Variants in GRM7 observed in about 807,000 individuals in gnomAD.
GRM7 encodes glutamate metabotropic receptor 7.
Under a neutral mutation model 84.5 loss-of-function variants are expected in GRM7, and 35 were observed. The observed-to-expected ratio is 0.41, with a 90% CI of 0.32 to 0.55. The LOEUF is 0.55. GRM7 is among the 20% of genes least tolerant of loss of function. The pLI is 0.19. For missense variants in GRM7, 1,003 were observed against 1,194.6 expected, an observed-to-expected ratio of 0.84 and a Z score of 2.36; for synonymous variants, 487 against 455.1, an observed-to-expected ratio of 1.07 and a Z score of -0.89.
chr3:7,143,669 T>G (rs1258425742), intron 1 of GRM7, among the ~76,000 whole-genome samples: 5 of 152,116 alleles, frequency 3.3e-5, no homozygotes, highest in Non-Finnish European at 5.9e-5. Flanking sequence ...ACTTCACAAT[T>G]CTGATGTTTT....
intron 4 of GRM7, among the ~76,000 whole-genome samples, chr3:7,373,406 A>G (rs923348690): frequency 6.6e-6 from 1 of 152,010 alleles, no homozygotes; most frequent in African/African-American, 2.4e-5. Context: ...AATAAATCAG[A>G]TTATGTGGAT....
intron 1 of GRM7, among the ~76,000 whole-genome samples, chr3:6,976,912 T>C (rs1419751284): frequency 6.6e-6 from 1 of 152,182 alleles, no homozygotes; most frequent in Non-Finnish European, 1.5e-5. Flanking sequence ...AACTCATAGT[T>C]CTACCCCATT....
At chr3:7,144,531 A>C (rs1301459292) in intron 1 of GRM7, among the ~76,000 whole-genome samples, 1 of 152,180 alleles carries the variant, frequency 6.6e-6, no homozygotes, top group Non-Finnish European at 1.5e-5. Context: ...TTGAAAGTCA[A>C]ATGTGGGGAA....
intron 1 of GRM7, among the ~76,000 whole-genome samples, chr3:7,115,429 C>A (rs552072736): frequency 1.3e-5 from 2 of 152,254 alleles, no homozygotes; most frequent in Admixed American, 1.3e-4. Context: ...TCAAATCCCC[C>A]TTTTCCTGTG....
chr3:7,176,450 T>C (rs1695154268), intron 2 of GRM7, among the ~76,000 whole-genome samples: 1 of 151,924 alleles, frequency 6.6e-6, no homozygotes, highest in Non-Finnish European at 1.5e-5. Context: ...TCCCAAGATG[T>C]GGCACTTTAT....
At chr3:7,148,763 G>A (rs903315404) in intron 2 of GRM7, among the ~76,000 whole-genome samples, 2 of 152,060 alleles carry the variant, frequency 1.3e-5, no homozygotes, top group Non-Finnish European at 2.9e-5. Flanking sequence ...ACATTGAAAA[G>A]CCCCAGCTAA....
intron 4 of GRM7, among the ~76,000 whole-genome samples, chr3:7,337,951 G>A (rs1338998966): frequency 1.3e-5 from 2 of 151,782 alleles, no homozygotes; most frequent in African/African-American, 2.4e-5. Context: ...AGTTGCACAT[G>A]CATGTTTATA....
intron 7 of GRM7, among the ~76,000 whole-genome samples, chr3:7,553,740 C>T (rs911260968): frequency 6.6e-6 from 1 of 152,164 alleles, no homozygotes; most frequent in East Asian, 1.9e-4. Context: ...GGGGAAATCA[C>T]CCTCTGATTC....
intron 1 of GRM7, among the ~76,000 whole-genome samples, chr3:7,059,936 T>C (rs1308801746): frequency 6.6e-6 from 1 of 151,856 alleles, no homozygotes; most frequent in Non-Finnish European, 1.5e-5. Flanking sequence ...ACCCAGTTTA[T>C]GTATTTTGTT....
intron 2 of GRM7, among the ~76,000 whole-genome samples, chr3:7,255,671 A>AG (rs1698168525): frequency 6.6e-6 from 1 of 152,200 alleles, no homozygotes; most frequent in African/African-American, 2.4e-5. Flanking sequence ...GGAGGAGAGA[A>AG]GTGAGTTGGG....
intron 8 of GRM7, among the ~76,000 whole-genome samples, chr3:7,641,087 C>G (rs910153900): frequency 1.3e-5 from 2 of 152,092 alleles, no homozygotes; most frequent in African/African-American, 4.8e-5. Flanking sequence ...TAATCATTAA[C>G]CAATTTAGTT....
intron 2 of GRM7, among the ~76,000 whole-genome samples, chr3:7,262,562 G>A (rs1198582613): frequency 2.6e-5 from 4 of 152,082 alleles, no homozygotes; most frequent in Non-Finnish European, 5.9e-5. Context: ...GAATCTCAAT[G>A]ATCTTTGTAC....
At chr3:7,100,185 C>T (rs755905551) in intron 1 of GRM7, among the ~76,000 whole-genome samples, 1 of 151,406 alleles carries the variant, frequency 6.6e-6, no homozygotes, top group Non-Finnish European at 1.5e-5. Flanking sequence ...AACATGTTGA[C>T]TTCATGAACT....
At chr3:7,694,174 A>C (rs1700928173) in intron 9 of GRM7, among the ~76,000 whole-genome samples, 2 of 152,196 alleles carry the variant, frequency 1.3e-5, no homozygotes, top group South Asian at 4.1e-4. Context: ...GACTCTTTAG[A>C]AAAGATCATC....
At chr3:7,387,170 C>G (rs530476449) in intron 4 of GRM7, among the ~76,000 whole-genome samples, 8 of 152,082 alleles carry the variant, frequency 5.3e-5, no homozygotes, top group Admixed American at 3.9e-4. Flanking sequence ...TTAAGTTCCT[C>G]ATACATTCTG....
intron 7 of GRM7, among the ~76,000 whole-genome samples, chr3:7,537,446 G>A (rs529053766): frequency 1.3e-5 from 2 of 152,042 alleles, no homozygotes; most frequent in Non-Finnish European, 2.9e-5. Context: ...GATAGACAGG[G>A]GTGTCTACCA....
chr3:7,637,868 C>T (rs1177147046), intron 8 of GRM7, among the ~76,000 whole-genome samples: 2 of 152,200 alleles, frequency 1.3e-5, no homozygotes, highest in South Asian at 2.1e-4. Flanking sequence ...CTTCGGCATT[C>T]TTTAGTCACA....
intron 8 of GRM7, among the ~76,000 whole-genome samples, chr3:7,599,053 T>C (rs1367762636): frequency 6.6e-6 from 1 of 152,194 alleles, no homozygotes; most frequent in Non-Finnish European, 1.5e-5. Context: ...AGAAATGATG[T>C]AGTTAAGCCC....
intron 2 of GRM7, among the ~76,000 whole-genome samples, chr3:7,279,258 C>A (rs1405778648): frequency 6.6e-6 from 1 of 152,016 alleles, no homozygotes; most frequent in African/African-American, 2.4e-5. Context: ...TGTGAACATG[C>A]GTGAATGCAT....
Sources: allele counts gnomAD v4.1 joint callset (sites outside exome capture counted in the v4.1 genomes callset), GRCh38; gene constraint gnomAD v4.1.1; transcripts MANE v1.5; gene names NCBI Gene and HGNC (gene_info 2026-07-23, HGNC 2026-07-21).